Variants in TAS2R1 observed in about 807,000 individuals in gnomAD.
TAS2R1 encodes the protein taste 2 receptor member 1, also known as taste receptor type 2 member 1.
For missense variants in TAS2R1, 370 were observed against 353.4 expected (o/e 1.05, Z -0.38); for synonymous variants, 141 against 134.2 (o/e 1.05, Z -0.35).
At chr5:9,684,633 C>T (rs966448514) in intron 1 of TAS2R1, among the ~76,000 whole-genome samples, 14 of 152,284 alleles carry the variant, frequency 9.2e-5, no homozygotes, top group African/African-American at 2.9e-4. Context: ...AAGTGTTCCT[C>T]CTGTCTCAGC....
At chr5:9,901,347 GAACCTGTTTGGGCTGAGAGAA>G in the TAS2R1 span, among the ~76,000 whole-genome samples, 1 of 152,028 alleles carries the variant, frequency 6.6e-6, no homozygotes, top group African/African-American at 2.4e-5. Context: ...AGCTACCAGA[GAACCTGTTTGGGCTGAGAGAA>G]AACCATCAGC....
rs989614382 is a variant in TAS2R1, at chr5:9,686,255, A to G, written c.-242+25917T>C. ...CTTACATCTATTTCCTAGCACCTAT[A>G]TAACATAACTGTCCTGAATGCCAGC... On this transcript the variant is annotated intron_variant, in intron 1 of 2. Transcript: ENST00000506620. Among the ~76,000 whole-genome samples the G allele has an allele frequency of 3.9e-5, 6 of 152,230 alleles. No homozygotes were observed. In the East Asian group the frequency reaches 7.7e-4, roughly 20 times the overall value.
At chr5:9,881,393 T>C in the TAS2R1 span, among the ~76,000 whole-genome samples, 3 of 152,126 alleles carry the variant, frequency 2.0e-5, no homozygotes, top group Non-Finnish European at 2.9e-5. Context: ...TCCATGCTCA[T>C]GAACAGAAAG....
the TAS2R1 span, among the ~76,000 whole-genome samples, chr5:9,880,942 C>A: frequency 7.3e-4 from 111 of 152,236 alleles, no homozygotes; most frequent in African/African-American, 2.5e-3. Context: ...GCAACTCCAG[C>A]CAGGGGTTTA....
the TAS2R1 span, among the ~76,000 whole-genome samples, chr5:9,751,734 T>C: frequency 6.6e-6 from 1 of 152,236 alleles, no homozygotes; most frequent in African/African-American, 2.4e-5. Flanking sequence ...CCTATTTAAA[T>C]AACCAGTAAT....
chr5:9,690,614 G>A (rs1741222202), intron 1 of TAS2R1, among the ~76,000 whole-genome samples: 1 of 151,886 alleles, frequency 6.6e-6, no homozygotes. Flanking sequence ...TCTGTCAGAG[G>A]GGGGGAAAAA....
At chr5:9,824,718 G>A in the TAS2R1 span, among the ~76,000 whole-genome samples, 4 of 151,870 alleles carry the variant, frequency 2.6e-5, no homozygotes, top group African/African-American at 4.8e-5. Flanking sequence ...GTGGTGGTGG[G>A]CGCCTGTAAT....
At chr5:9,695,488 A>T (rs1382345483) in intron 1 of TAS2R1, among the ~76,000 whole-genome samples, 1 of 152,152 alleles carries the variant, frequency 6.6e-6, no homozygotes, top group African/African-American at 2.4e-5. Flanking sequence ...TACAGAATCC[A>T]CTAGAAAGGG....
the TAS2R1 span, among the ~76,000 whole-genome samples, chr5:9,865,344 G>A: frequency 6.6e-6 from 1 of 152,164 alleles, no homozygotes; most frequent in South Asian, 2.1e-4. Flanking sequence ...ACAATACAAT[G>A]ACCTTAGTAC....
At chr5:9,837,155 C>T in the TAS2R1 span, among the ~76,000 whole-genome samples, 32 of 152,260 alleles carry the variant, frequency 2.1e-4, no homozygotes, top group African/African-American at 6.7e-4. Flanking sequence ...TGGACTACAA[C>T]ATACATGCAC....
intron 1 of TAS2R1, among the ~76,000 whole-genome samples, chr5:9,708,897 C>A (rs78806518): frequency 2.6e-5 from 4 of 152,112 alleles, no homozygotes; most frequent in Admixed American, 2.6e-4. Flanking sequence ...CCACATCAAG[C>A]ATAATAATTT....
chr5:9,636,541 G>T (rs184846269), intron 2 of TAS2R1, among the ~76,000 whole-genome samples: 1 of 151,648 alleles, frequency 6.6e-6, no homozygotes. Context: ...TGGAGTATTG[G>T]AGTCCCTCAT....
chr5:9,781,968 G>C, the TAS2R1 span, among the ~76,000 whole-genome samples: 1 of 152,196 alleles, frequency 6.6e-6, no homozygotes, highest in African/African-American at 2.4e-5. Flanking sequence ...AATGGGGATA[G>C]ATGTCTTTCT....
chr5:9,887,220 G>A, the TAS2R1 span, among the ~76,000 whole-genome samples: 3 of 152,208 alleles, frequency 2.0e-5, no homozygotes, highest in African/African-American at 7.2e-5. Flanking sequence ...ATCATATGCA[G>A]TTATTAATTA....
At chr5:9,805,332 A>T in the TAS2R1 span, among the ~76,000 whole-genome samples, 2 of 152,132 alleles carry the variant, frequency 1.3e-5, no homozygotes, top group Non-Finnish European at 2.9e-5. Context: ...AAGAATTGGT[A>T]ACAATCCTAT....
chr5:9,702,199 A>G lies in TAS2R1; in HGVS notation c.-242+9973T>C, dbSNP rs934678806. Among the ~76,000 whole-genome samples, 4 of 152,222 alleles carry G rather than the reference A, an allele frequency of 2.6e-5. No individual in the cohort carries two copies. In the South Asian group the frequency reaches 6.2e-4, roughly 24 times the overall value. On this transcript the variant is annotated intron_variant, in intron 1 of 2. Coordinates refer to the TAS2R1 transcript ENST00000506620. Reference sequence around the variant, plus strand: ...CAATAAGTGCCAAATACTTCTAACAATTTTGCATGTGTGGGTGTAAAACAA... The same window carrying G: ...CAATAAGTGCCAAATACTTCTAACAGTTTTGCATGTGTGGGTGTAAAACAA...
At chr5:9,713,967 TTCA>T (rs1213264815), upstream of TAS2R1, 5 of 152,256 alleles carry the variant, frequency 3.3e-5, no homozygotes, top group African/African-American at 1.2e-4. Flanking sequence ...GAGTAATATC[TTCA>T]TGTCATTATA....
chr5:9,712,873 A>G (rs1734715954), upstream of TAS2R1, among the ~76,000 whole-genome samples: 1 of 151,914 alleles, frequency 6.6e-6, no homozygotes, highest in African/African-American at 2.4e-5. Flanking sequence ...AGTGGGAAAG[A>G]CAGATCTTTC....
At chr5:9,704,533 G>C (rs1741561269) in intron 1 of TAS2R1, among the ~76,000 whole-genome samples, 1 of 152,104 alleles carries the variant, frequency 6.6e-6, no homozygotes, top group African/African-American at 2.4e-5. Context: ...ACCAAATGAA[G>C]TCATCCTAAA....
Sources: gnomAD v4.1 joint callset for allele counts (sites outside exome capture counted in the v4.1 genomes callset) on GRCh38, gnomAD v4.1.1 for gene constraint, MANE v1.5 for transcripts, NCBI Gene and HGNC (gene_info 2026-07-23, HGNC 2026-07-21) for gene names.